Variants in RALGAPA2 observed in about 807,000 individuals in gnomAD.
RALGAPA2 encodes Ral GTPase activating protein catalytic subunit alpha 2, also known as ral GTPase-activating protein subunit alpha-2.
A neutral mutation model predicts 230.4 loss-of-function variants in RALGAPA2; 139 were observed. That is an observed-to-expected ratio of 0.60 (90% CI 0.53 to 0.69). The LOEUF is 0.69. RALGAPA2 is among the 30% of genes least tolerant of loss of function. The probability of loss-of-function intolerance (pLI) is 0.00; values close to 1 mark genes in which losing one functional copy is unlikely to be tolerated. For synonymous variants in RALGAPA2, 847 were observed against 837.8 expected (o/e 1.01, Z -0.19); for missense variants, 2,163 against 2,276.0 (o/e 0.95, Z 1.01).
chr20:20,591,038 ATCCT>A, intron 17 of RALGAPA2, 135 bp downstream of exon 17: 1 of 1,020,402 alleles, frequency 9.8e-7, no homozygotes, highest in Non-Finnish European at 1.3e-6. Context: ...CATAAATCAC[ATCCT>A]TCTAATCAAA....
chr20:20,669,621 G>A (rs6082093), intron 3 of RALGAPA2, among the ~76,000 whole-genome samples: 8,066 of 152,156 alleles, frequency 0.053, 293 homozygotes, highest in East Asian at 0.16. Flanking sequence ...ACCTGGCCTT[G>A]CCCATTCCTT....
intron 37 of RALGAPA2, among the ~76,000 whole-genome samples, 172 bp from the exon 38 acceptor site, chr20:20,412,320 G>A (rs2060078775): frequency 6.6e-6 from 1 of 152,074 alleles, no homozygotes; most frequent in Admixed American, 6.5e-5. Flanking sequence ...CCCAAATTCT[G>A]GTTTTGAGAC....
At chr20:20,442,861 C>T (rs1217181202) in intron 37 of RALGAPA2, among the ~76,000 whole-genome samples, 1 of 152,256 alleles carries the variant, frequency 6.6e-6, no homozygotes, top group Non-Finnish European at 1.5e-5. Context: ...TTTAATCTCT[C>T]TAGAAATCTA....
intron 14 of RALGAPA2, among the ~76,000 whole-genome samples, chr20:20,607,561 A>G (rs1882942811): frequency 6.6e-6 from 1 of 152,184 alleles, no homozygotes; most frequent in South Asian, 2.1e-4. Context: ...ATTTGAGGCC[A>G]TTGCCATAAC....
At chr20:20,678,909 T>C (rs1033473026) in intron 2 of RALGAPA2, among the ~76,000 whole-genome samples, 15 of 152,090 alleles carry the variant, frequency 9.9e-5, no homozygotes, top group Admixed American at 2.0e-4. Context: ...CATGCACCAA[T>C]AGGCTGACTC....
chr20:20,467,698 G>A (rs1004126806), intron 37 of RALGAPA2, among the ~76,000 whole-genome samples: 1 of 152,150 alleles, frequency 6.6e-6, no homozygotes, highest in African/African-American at 2.4e-5. Flanking sequence ...TCAGATACTG[G>A]CTAACAGTGC....
intron 23 of RALGAPA2, among the ~76,000 whole-genome samples, chr20:20,557,267 C>T (rs1050985069): frequency 2.0e-5 from 3 of 152,012 alleles, no homozygotes; most frequent in Non-Finnish European, 2.9e-5. Flanking sequence ...CAAGATCGTG[C>T]CACTGCACTC....
chr20:20,471,222 T>C (rs2061533463), intron 37 of RALGAPA2: 1 of 152,128 alleles, frequency 6.6e-6, no homozygotes, highest in Admixed American at 6.5e-5. Context: ...CCTTTGAACT[T>C]TTAAAAATAC....
intron 12 of RALGAPA2, among the ~76,000 whole-genome samples, chr20:20,618,100 T>C (rs1398922845): frequency 6.6e-6 from 1 of 152,228 alleles, no homozygotes; most frequent in East Asian, 1.9e-4. Flanking sequence ...GCTGTACTCA[T>C]TTCATTTAAA....
intron 34 of RALGAPA2, 63 bp from the exon 35 acceptor site, chr20:20,503,569 G>C (rs1387014026): frequency 6.3e-6 from 8 of 1,268,492 alleles, no homozygotes; most frequent in African/African-American, 3.1e-5. Flanking sequence ...TCACTAAGCA[G>C]GACTGTGAAT....
In RALGAPA2 at chr20:20,511,327, T is replaced by C. The variant is rs771901287; in HGVS notation, c.4857-2A>G. 1.9e-6 allele frequency: 3 copies of C among 1,545,328 alleles called. No individual in the cohort carries two copies. The highest frequency in any genetic ancestry group is 4.8e-5 in the East Asian group (2 of 41,574). On this transcript the variant is annotated splice_acceptor_variant, in intron 32 of 39. Coordinates refer to ENST00000202677, the MANE Select transcript of RALGAPA2 (RefSeq NM_020343.4). LOFTEE classifies it high-confidence loss of function. ...TTCTTCAATAGATGAAAATTCTTCC[T>C]ATAAAGAAAAAAGGATGGAAGAAAA... is the stretch of plus-strand genomic sequence containing the variant.
chr20:20,619,369 G>A lies in RALGAPA2; in HGVS notation c.1447C>T (p.Arg483Cys), dbSNP rs747438948. 4.3e-6 allele frequency: 7 copies of A among 1,609,544 alleles called. No individual in the cohort carries two copies. Among genetic ancestry groups the A allele is most frequent in the African/African-American group, 4.0e-5 (3 of 74,832 alleles). ...SGHKRSSSWG[R>C]TYSFTSAMSR... ...ATTGCACTTGTGAAGGAGTATGTGC[G>A]TCCCCAACTGGAAGATCGTTTATGA... Residue 483 changes from arginine (R) to cysteine (C), a missense_variant, in exon 12 of 40, where the codon CGC (arginine) becomes TGC (cysteine). Transcript: ENST00000202677.
chr20:20,442,022 AT>A (rs766192262), intron 37 of RALGAPA2, among the ~76,000 whole-genome samples: 146 of 152,384 alleles, frequency 9.6e-4, no homozygotes, highest in African/African-American at 2.2e-3. Context: ...TGGTTTGCAC[AT>A]TCAAAGTAGT....
chr20:20,447,338 A>C (rs574025742), intron 37 of RALGAPA2, among the ~76,000 whole-genome samples: 73 of 152,332 alleles, frequency 4.8e-4, no homozygotes, highest in African/African-American at 1.6e-3. Context: ...AACAAAAATA[A>C]CATTCACTGG....
At chr20:20,474,529 G>A (rs2061608592) in intron 36 of RALGAPA2, among the ~76,000 whole-genome samples, 1 of 152,206 alleles carries the variant, frequency 6.6e-6, no homozygotes, top group Admixed American at 6.5e-5. Context: ...AATAAAGCAA[G>A]AGATGGTGGT....
intron 3 of RALGAPA2, among the ~76,000 whole-genome samples, chr20:20,656,436 A>G (rs543386547): frequency 1.3e-5 from 2 of 152,352 alleles, no homozygotes; most frequent in Non-Finnish European, 2.9e-5. Context: ...TCTTGCCTTG[A>G]GAACACACAA....
intron 37 of RALGAPA2, among the ~76,000 whole-genome samples, chr20:20,417,090 C>G (rs888158823): frequency 6.6e-6 from 1 of 152,230 alleles, no homozygotes; most frequent in African/African-American, 2.4e-5. Context: ...TTCAGAACCA[C>G]CTGGGACGCT....
At chr20:20,443,879 C>A (rs1435869271) in intron 37 of RALGAPA2, among the ~76,000 whole-genome samples, 1 of 152,260 alleles carries the variant, frequency 6.6e-6, no homozygotes, top group African/African-American at 2.4e-5. Flanking sequence ...GTCCATCTCT[C>A]ACAGCAGCAG....
intron 1 of RALGAPA2, among the ~76,000 whole-genome samples, chr20:20,681,199 CCTCTGAAAA>C (rs2068508425): frequency 6.6e-6 from 1 of 152,056 alleles, no homozygotes; most frequent in Admixed American, 6.6e-5. Flanking sequence ...TGGGTTTGTA[CCTCTGAAAA>C]ACAACTTTGC....
Sources: allele counts gnomAD v4.1 joint callset (sites outside exome capture counted in the v4.1 genomes callset), GRCh38; gene constraint gnomAD v4.1.1; transcripts MANE v1.5; gene names NCBI Gene and HGNC (gene_info 2026-07-23, HGNC 2026-07-21).